OTOG: variants seen among roughly 807,000 people sequenced by gnomAD.
The protein encoded by OTOG is otogelin.
A neutral mutation model predicts 313.8 loss-of-function variants in OTOG; 296 were observed. The observed-to-expected ratio is 0.94, with a 90% CI of 0.86 to 1.04. The LOEUF (loss-of-function observed/expected upper bound fraction) is 1.04, where lower values mean the gene tolerates loss of function less well. Ranked by LOEUF, OTOG falls within the 50% of genes least tolerant of loss-of-function variation. The pLI, the probability that OTOG is intolerant of heterozygous loss-of-function variation, is 0.00. For missense variants in OTOG, 3,948 were observed against 3,840.1 expected (o/e 1.03, Z -0.74); for synonymous variants, 1,533 against 1,554.9 (o/e 0.99, Z 0.33).
At chr11:17,635,860 G>GT in intron 47 of OTOG, 149 bp downstream of exon 47, 1 of 670,936 alleles carries the variant, frequency 1.5e-6, no homozygotes, top group Non-Finnish European at 2.6e-6. Flanking sequence ...TCCAGGACGA[G>GT]TGCAGGCCCA....
At chr11:17,598,505 A>G (rs908126484) in intron 30 of OTOG, among the ~76,000 whole-genome samples, 25 of 152,208 alleles carry the variant, frequency 1.6e-4, no homozygotes, top group Non-Finnish European at 7.3e-5. Context: ...GATTTTTGGT[A>G]GCCCCTTAAA....
chr11:17,613,723 C>A, intron 39 of OTOG, 22 bp downstream of exon 39: 1 of 1,545,062 alleles, frequency 6.5e-7, no homozygotes, highest in Non-Finnish European at 8.8e-7. Context: ...AAACAGCCAG[C>A]CTCCAGGGCA....
chr11:17,620,839 T>C (rs1853847845), intron 39 of OTOG, among the ~76,000 whole-genome samples: 1 of 152,202 alleles, frequency 6.6e-6, no homozygotes, highest in African/African-American at 2.4e-5. Flanking sequence ...TCAGATAGTA[T>C]TTATTGCTCT....
At chr11:17,567,623 C>A (rs563807664) in intron 15 of OTOG, among the ~76,000 whole-genome samples, 1 of 152,196 alleles carries the variant, frequency 6.6e-6, no homozygotes, top group Non-Finnish European at 1.5e-5. Flanking sequence ...GAGTTACAGG[C>A]GTAAGCCACT....
rs113906216 is a variant in OTOG at position 17,639,966 on chromosome 11, A to AGTGAGG, written c.7935+508_7935+513dup. On this transcript the variant is annotated intron_variant, in intron 49 of 55. Transcript: ENST00000399397. ...ATGCAATGATGGTGGTGGTGGGGAC[A>AGTGAGG]GTGAGGGTGATGGTGATAATGCAGT... Among the ~76,000 whole-genome samples, 758 of 143,226 alleles carry AGTGAGG rather than the reference A, an allele frequency of 5.3e-3. 6 individuals carry two copies. The highest frequency in any genetic ancestry group is 0.02 in the African/African-American group (702 of 34,666). 94.0% of individuals were successfully genotyped at this position (143,226 alleles called of 152,430 possible).
rs1009910852 is a variant in OTOG at position 17,610,479 on chromosome 11, G to A, written c.5179G>A (p.Glu1727Lys). 85 of 1,550,424 alleles carry A rather than the reference G, an allele frequency of 5.5e-5. No homozygotes were observed. Among genetic ancestry groups the A allele is most frequent in the Admixed American group, 1.8e-4 (9 of 50,994 alleles). ...GATAGTGCTATCCACAGAGAAGGGC[G>A]AAGCCGGGCACAGCCAGCCCATGGG... The part of the protein sequence containing the change: ...LEIVLSTEKG[E>K]AGHSQPMGSP... The change falls in exon 36 of 56, where the codon GAA (glutamate) becomes AAA (lysine). Residue 1727 changes from glutamate (E) to lysine (K), a missense_variant. By Grantham distance (56) the Glu-to-Lys change is moderately conservative (BLOSUM62 1). Transcript: ENST00000399397.
At chr11:17,564,865 G>A (rs2134015761) in intron 15 of OTOG, among the ~76,000 whole-genome samples, 1 of 152,300 alleles carries the variant, frequency 6.6e-6, no homozygotes, top group Non-Finnish European at 1.5e-5. Context: ...AGCTGAGCCC[G>A]ACCTAGGGTT....
intron 4 of OTOG, 111 bp downstream of exon 4, chr11:17,552,186 T>C: frequency 1.8e-6 from 2 of 1,088,466 alleles, no homozygotes; most frequent in East Asian, 2.6e-5. Context: ...TGACCCCTTT[T>C]TCCTGCTTGG....
Position 17,547,949 on chromosome 11 carries a change from CA to C in OTOG, c.118del (p.Ser40ValfsTer180), listed in dbSNP as rs1415443434. 1.2e-5 allele frequency: 6 copies of C among 489,984 alleles called. No individual in the cohort carries two copies. Among genetic ancestry groups the C allele is most frequent in the Non-Finnish European group, 2.1e-5 (6 of 281,736 alleles). 30.4% of individuals were successfully genotyped at this position (489,984 alleles called of 1,614,324 possible). On this transcript the variant is annotated frameshift_variant, in exon 2 of 56. Coordinates refer to ENST00000399397, the MANE Select transcript of OTOG (RefSeq NM_001292063.2). LOFTEE classifies it high-confidence loss of function. ...RLAAAPVLWG[S>X]AEPQPEPAGQ... ...CAGCCGCAGCACCCGTTCTGTGGGG[CA>C]GTGCAGAGCCACAGCCAGAGCCAGC... is the stretch of plus-strand genomic sequence containing the variant.
At chr11:17,581,764 G>A (rs920396952) in intron 23 of OTOG, among the ~76,000 whole-genome samples, 5 of 152,020 alleles carry the variant, frequency 3.3e-5, no homozygotes, top group African/African-American at 7.3e-5. Flanking sequence ...TAATGTTGGC[G>A]CCCTATATAT....
rs1015222112 is a variant in OTOG at position 17,640,730 on chromosome 11, C to T, written c.7936-15C>T. 4.5e-6 allele frequency: 7 copies of T among 1,549,030 alleles called. No individual in the cohort carries two copies. The African/African-American group carries it at 8.2e-5, about 18-fold the overall frequency. On this transcript the variant is annotated splice_polypyrimidine_tract_variant and intron_variant, in intron 49 of 55. Coordinates refer to ENST00000399397, the MANE Select transcript of OTOG (RefSeq NM_001292063.2). ...GCCCCCAACCCAGGGTGCTGACTGC[C>T]TCTGCCCCACCCAGTGGGAGAAATC...
At position 17,643,458 on chromosome 11, in the gene OTOG, T is replaced by C. The variant is rs926839699; in HGVS notation, c.8416-3T>C. The C allele has an allele frequency of 7.6e-6, 11 of 1,447,618 alleles. No individual in the cohort carries two copies. In the African/African-American group the frequency reaches 1.5e-4, roughly 19 times the overall value. The allele number at this position is 1,447,618 out of a possible 1,614,324, so 89.7% of individuals were successfully genotyped here. A position where few individuals can be genotyped will look rare whatever the true frequency, so the allele number is the denominator to read the frequency against. ...CCTACCTCCCCCGACTTCCTCTCTCTAGGTTGGGGGTTCCGTGGTACCTTC... is the reference window on the plus strand; with the variant it reads ...CCTACCTCCCCCGACTTCCTCTCTCCAGGTTGGGGGTTCCGTGGTACCTTC... On this transcript the variant is annotated splice_polypyrimidine_tract_variant and splice_region_variant and intron_variant, in intron 53 of 55. Transcript: ENST00000399397.
chr11:17,553,235 C>T, intron 5 of OTOG, 24 bp downstream of exon 5: 1 of 1,548,788 alleles, frequency 6.5e-7, no homozygotes, highest in Non-Finnish European at 8.7e-7. Flanking sequence ...CCACCCCACC[C>T]CCAGGAAGGG....
chr11:17,599,557 C>A, intron 30 of OTOG, 114 bp from the exon 31 acceptor site: 2 of 1,170,666 alleles, frequency 1.7e-6, no homozygotes, highest in Admixed American at 2.0e-5. Flanking sequence ...GGGAGGCAGG[C>A]CAGGCCCAGC....
chr11:17,631,354 C>T (rs188606112), intron 40 of OTOG, among the ~76,000 whole-genome samples: 93 of 138,690 alleles, frequency 6.7e-4, no homozygotes, highest in African/African-American at 3.0e-3. Flanking sequence ...TTGCTTCTCT[C>T]CTTCTCTCTC....
At position 17,645,674 on chromosome 11, in the gene OTOG, C is replaced by CA. The variant is rs1219070909; in HGVS notation, c.8541+37dup. The CA allele has an allele frequency of 3.9e-6, 6 of 1,550,518 alleles. No individual in the cohort carries two copies. In the Admixed American group the frequency reaches 1.2e-4, roughly 30 times the overall value. ...TGGTGCCCACAAGGCAGTGGGGCAG[C>CA]AAAAAATGGGATGGAGGGGGTTTGG... On this transcript the variant is annotated intron_variant, in intron 55 of 55. Coordinates refer to ENST00000399397, the MANE Select transcript of OTOG (RefSeq NM_001292063.2).
chr11:17,629,200 G>C lies in OTOG; in HGVS notation c.6596G>C (p.Gly2199Ala), dbSNP rs554404500. Residue 2199 changes from glycine (G) to alanine (A), a missense_variant, in exon 40 of 56, where the codon GGC becomes GCC. Physicochemically the swap from Gly to Ala is moderately conservative, Grantham distance 60. Coordinates refer to ENST00000399397, the MANE Select transcript of OTOG (RefSeq NM_001292063.2). ...SRYGFRIEDT[G>A]HMYMILTPSD... ...TATGGATTCAGAATTGAGGACACAG[G>C]CCACATGTACATGATCCTGACTCCC... 1 of 1,550,470 alleles carries C rather than the reference G, an allele frequency of 6.4e-7. No homozygotes were observed. Among genetic ancestry groups the C allele is most frequent in the African/African-American group, 1.4e-5 (1 of 73,036 alleles).
chr11:17,561,208 T>G, intron 14 of OTOG, 71 bp downstream of exon 14: 55 of 1,510,468 alleles, frequency 3.6e-5, no homozygotes, highest in Non-Finnish European at 4.4e-5. Context: ...AAGGAATCTC[T>G]GGGGGCCAGG....
Position 17,630,373 on chromosome 11 carries a change from C to T in OTOG, c.6712+1057C>T, listed in dbSNP as rs868084904. On this transcript the variant is annotated intron_variant, in intron 40 of 55. Coordinates refer to ENST00000399397, the MANE Select transcript of OTOG (RefSeq NM_001292063.2). Reference sequence around the variant, plus strand: ...CAGCAGTAGCCTGGTGAGCCAACCCCTCCCTAGGATACCTTTGGGACACCC... The same window carrying T: ...CAGCAGTAGCCTGGTGAGCCAACCCTTCCCTAGGATACCTTTGGGACACCC... 3.9e-5 allele frequency among the ~76,000 whole-genome samples: 6 copies of T among 152,288 alleles called. No homozygotes were observed. The Middle Eastern group carries it at 0.01, about 259-fold the overall frequency.
Sources: gnomAD v4.1 joint callset for allele counts (sites outside exome capture counted in the v4.1 genomes callset) on GRCh38, gnomAD v4.1.1 for gene constraint, MANE v1.5 for transcripts, NCBI Gene and HGNC (gene_info 2026-07-23, HGNC 2026-07-21) for gene names.